Variants in MIGA2 observed in about 807,000 individuals in gnomAD.
MIGA2 encodes the protein family with sequence similarity 73, member B.
A neutral mutation model predicts 69.9 loss-of-function variants in MIGA2; 36 were observed. The observed-to-expected ratio is 0.52, with a 90% CI of 0.39 to 0.68. The LOEUF is 0.68. Ranked by LOEUF, MIGA2 falls within the 30% of genes least tolerant of loss-of-function variation. MIGA2 has a pLI of 0.00. For synonymous variants in MIGA2, 333 were observed against 349.2 expected, an observed-to-expected ratio of 0.95 and a Z score of 0.52; for missense variants, 660 against 787.7, an observed-to-expected ratio of 0.84 and a Z score of 1.94.
chr9:129,049,903 C>T lies in MIGA2; in HGVS notation c.615C>T (p.Ser205=). 2.5e-6 allele frequency: 4 copies of T among 1,613,816 alleles called. No homozygotes were observed. The highest frequency in any genetic ancestry group is 3.4e-6 in the Non-Finnish European group (4 of 1,180,012). The change falls in exon 6 of 16, where the codon AGC becomes AGT. Residue 205 remains serine (S), a synonymous_variant. Transcript: ENST00000684074. The part of the protein sequence containing the change: ...LSVGQRGDSG[S]TPMPRDGLRN... ...TGGGCCAGCGGGGGGACAGCGGCAGCACCCCCATGCCCAGGGACGGCCTCC... is the reference window on the plus strand; with the variant it reads ...TGGGCCAGCGGGGGGACAGCGGCAGTACCCCCATGCCCAGGGACGGCCTCC...
intron 3 of MIGA2, among the ~76,000 whole-genome samples, chr9:129,045,701 A>G (rs1410051355): frequency 6.6e-6 from 1 of 152,018 alleles, no homozygotes; most frequent in Non-Finnish European, 1.5e-5. Context: ...TGAGGCCAGG[A>G]ATTCAAGACC....
intron 9 of MIGA2, 157 bp from the exon 10 acceptor site, chr9:129,063,087 A>G (rs1846151540): frequency 1.5e-6 from 1 of 684,396 alleles, no homozygotes; most frequent in Non-Finnish European, 2.5e-6. Flanking sequence ...CAAGGCCTCA[A>G]GGGAGGCAGA....
In MIGA2 at chr9:129,040,475, T is replaced by G; in HGVS notation, c.-120T>G. ...AGCTCTGTGGAGGGGCCCTCTGGTA[T>G]GTGTGTCCCTGTCCTTCTGGGGCGT... On this transcript the variant is annotated 5_prime_UTR_variant, in exon 2 of 16. The change abolishes an upstream ATG in the 5' untranslated region. Transcript: ENST00000684074. 7.0e-7 allele frequency: 1 copy of G among 1,428,756 alleles called. No homozygotes were observed. Among genetic ancestry groups the G allele is most frequent in the South Asian group, 1.5e-5 (1 of 65,348 alleles). 88.5% of individuals were successfully genotyped at this position (1,428,756 alleles called of 1,614,324 possible).
At chr9:129,055,614 G>A (rs1845755968) in intron 6 of MIGA2, among the ~76,000 whole-genome samples, 1 of 152,104 alleles carries the variant, frequency 6.6e-6, no homozygotes, top group Non-Finnish European at 1.5e-5. Flanking sequence ...ACTTTGGGAG[G>A]ATGAGGTGGG....
chr9:129,048,986 C>T (rs565802236), intron 4 of MIGA2, among the ~76,000 whole-genome samples: 3 of 152,236 alleles, frequency 2.0e-5, no homozygotes, highest in Non-Finnish European at 2.9e-5. Context: ...TGGTTCTTGT[C>T]CTGGGGCTGC....
chr9:129,056,511 T>C (rs1283979012), intron 6 of MIGA2, among the ~76,000 whole-genome samples: 1 of 151,754 alleles, frequency 6.6e-6, no homozygotes, highest in Non-Finnish European at 1.5e-5. Context: ...ATAAATACTG[T>C]AATAATGACT....
chr9:129,069,020 G>C lies in MIGA2; in HGVS notation c.1405-56G>C. 6.2e-7 allele frequency: 1 copy of C among 1,606,038 alleles called. No homozygotes were observed. Among genetic ancestry groups the C allele is most frequent in the South Asian group, 1.1e-5 (1 of 90,924 alleles). On this transcript the variant is annotated intron_variant, in intron 13 of 15. Transcript: ENST00000684074. This position sits in a 1 kb window ranked among gnomAD's most constrained non-coding sequence, Gnocchi z 4.9. Reference sequence around the variant, plus strand: ...TTGGTGCTGGGCTGGCAGAGGGCGAGGGGCTGTGGGCTAGGCCCATTTTGA... The same window carrying C: ...TTGGTGCTGGGCTGGCAGAGGGCGACGGGCTGTGGGCTAGGCCCATTTTGA...
At chr9:129,056,961 G>C (rs1276588726) in intron 6 of MIGA2, among the ~76,000 whole-genome samples, 2 of 151,892 alleles carry the variant, frequency 1.3e-5, no homozygotes, top group Non-Finnish European at 2.9e-5. Context: ...TTGAACCTGG[G>C]AGTTGGAAGT....
intron 2 of MIGA2, among the ~76,000 whole-genome samples, chr9:129,041,440 G>A (rs1844900747): frequency 6.6e-6 from 1 of 152,076 alleles, no homozygotes; most frequent in South Asian, 2.1e-4. Context: ...GTTGCAGTGA[G>A]TCGAGATCGC....
intron 3 of MIGA2, among the ~76,000 whole-genome samples, chr9:129,043,494 C>G (rs570286009): frequency 6.7e-6 from 1 of 148,204 alleles, no homozygotes; most frequent in Admixed American, 6.9e-5. Context: ...TCAAGAGATT[C>G]TCCTGCTTCA....
chr9:129,043,635 C>T (rs1452387112), intron 3 of MIGA2, among the ~76,000 whole-genome samples: 1 of 151,970 alleles, frequency 6.6e-6, no homozygotes, highest in Non-Finnish European at 1.5e-5. Context: ...GATCCGCCCA[C>T]CTCAGCCTCC....
chr9:129,070,523 T>C lies in MIGA2; in HGVS notation c.*70T>C. The stretch of plus-strand genomic sequence containing the variant: ...CTTCCCTGGGTTGGTATCTGACAGC[T>C]GTGGTGGCTGAGGGCCGTTGCCCCT... On this transcript the variant is annotated 3_prime_UTR_variant, in exon 16 of 16. Coordinates refer to ENST00000684074, the MANE Select transcript of MIGA2 (RefSeq NM_001329990.2). The C allele has an allele frequency of 7.0e-7, 1 of 1,433,080 alleles. No individual in the cohort carries two copies. Among genetic ancestry groups the C allele is most frequent in the Non-Finnish European group, 9.2e-7 (1 of 1,088,928 alleles). The allele number at this position is 1,433,080 out of a possible 1,614,324, so 88.8% of individuals were successfully genotyped here.
chr9:129,059,069 C>T lies in MIGA2; in HGVS notation c.676-85C>T, dbSNP rs570778553. 4.8e-6 allele frequency: 6 copies of T among 1,243,526 alleles called. No individual in the cohort carries two copies. The highest frequency in any genetic ancestry group is 7.0e-6 in the Non-Finnish European group (6 of 854,818). 77.0% of individuals were successfully genotyped at this position (1,243,526 alleles called of 1,614,324 possible). A position where few individuals can be genotyped will look rare whatever the true frequency, so the allele number is the denominator to read the frequency against. On this transcript the variant is annotated intron_variant, in intron 6 of 15. Transcript: ENST00000684074. The surrounding 1 kb of genome is among the most constrained non-coding windows in gnomAD (Gnocchi z 5.6). ...CTGGGTCCTAGAGCTCCTCCCCTTT[C>T]CCCAGGGACCTGGGGGTGAGGGAAG...
chr9:129,042,987 G>A (rs1196312561), intron 3 of MIGA2, among the ~76,000 whole-genome samples: 5 of 152,166 alleles, frequency 3.3e-5, no homozygotes, highest in African/African-American at 4.8e-5. Context: ...AAGGTTAGGA[G>A]ATCGAGGCCA....
chr9:129,063,152 G>A, intron 9 of MIGA2, 92 bp from the exon 10 acceptor site: 1 of 1,338,618 alleles, frequency 7.5e-7, no homozygotes, highest in South Asian at 1.2e-5. Context: ...TGGAGCCAGA[G>A]CCTCCCCCCT....
chr9:129,064,219 T>G (rs1350277963), intron 11 of MIGA2, among the ~76,000 whole-genome samples: 1 of 152,096 alleles, frequency 6.6e-6, no homozygotes, highest in Non-Finnish European at 1.5e-5. Context: ...CGTCTTTTTT[T>G]TTTTTGAGAC....
chr9:129,061,209 C>T lies in MIGA2; in HGVS notation c.895-22C>T, dbSNP rs17508349. ...CTGCTCACATGGGCTTCCCTGGTCTCTTCCTCTGCACCCTCTCCCAGCTCT... is the reference window on the plus strand; with the variant it reads ...CTGCTCACATGGGCTTCCCTGGTCTTTTCCTCTGCACCCTCTCCCAGCTCT... On this transcript the variant is annotated intron_variant, in intron 8 of 15. Coordinates refer to ENST00000684074, the MANE Select transcript of MIGA2 (RefSeq NM_001329990.2). This position sits in a 1 kb window ranked among gnomAD's most constrained non-coding sequence, Gnocchi z 5.0. 6 of 1,598,242 alleles carry T rather than the reference C, an allele frequency of 3.8e-6. No homozygotes were observed. Among genetic ancestry groups the T allele is most frequent in the South Asian group, 2.2e-5 (2 of 89,174 alleles).
chr9:129,063,503 CCGTGCCCGGCAGCT>C, intron 10 of MIGA2, 28 bp from the exon 11 acceptor site: 1 of 1,607,932 alleles, frequency 6.2e-7, no homozygotes, highest in East Asian at 2.2e-5. Flanking sequence ...TGAGGGACTG[CCGTGCCCGGCAGCT>C]CACTCCCCTC....
At position 129,060,472 on chromosome 9, in the gene MIGA2, G is replaced by A. The variant is rs1351718259; in HGVS notation, c.794-78G>A. 6.6e-6 allele frequency: 8 copies of A among 1,203,890 alleles called. No individual in the cohort carries two copies. The highest frequency in any genetic ancestry group is 9.4e-6 in the Non-Finnish European group (8 of 849,486). 74.6% of individuals were successfully genotyped at this position (1,203,890 alleles called of 1,614,324 possible). ...ATGAAGCCTCCCCTGGGCCTGATGG[G>A]GGACTTCGTGTACCGGGATTCCAGC... is the stretch of plus-strand genomic sequence containing the variant. On this transcript the variant is annotated intron_variant, in intron 7 of 15. Coordinates refer to ENST00000684074, the MANE Select transcript of MIGA2 (RefSeq NM_001329990.2). The surrounding 1 kb of genome is among the most constrained non-coding windows in gnomAD (Gnocchi z 4.8).
Sources: gnomAD v4.1 joint callset for allele counts (sites outside exome capture counted in the v4.1 genomes callset) on GRCh38, gnomAD v4.1.1 for gene constraint, Gnocchi (gnomAD v3.1) non-coding constraint, MANE v1.5 for transcripts, NCBI Gene and HGNC (gene_info 2026-07-23, HGNC 2026-07-21) for gene names.